The following RAB30 variants were observed in gnomAD, a reference collection of about 807,000 sequenced individuals.
RAB30 encodes the protein ras-related protein Rab-30.
In RAB30, 9 loss-of-function variants were observed where a neutral mutation model predicts 25.1. The ratio of observed to expected loss-of-function variants is 0.36; its 90% CI spans 0.22 to 0.63. The LOEUF (loss-of-function observed/expected upper bound fraction) is 0.63, where lower values mean the gene tolerates loss of function less well. Among genes scored for constraint, RAB30 ranks in the 20% least tolerant of loss-of-function variants. The probability of loss-of-function intolerance (pLI) is 0.69; values close to 1 mark genes in which losing one functional copy is unlikely to be tolerated. For missense variants in RAB30, 140 were observed against 243.5 expected (o/e 0.58, Z 2.83); for synonymous variants, 77 against 86.4 (o/e 0.89, Z 0.60).
Position 82,987,571 on chromosome 11 carries a change from G to A in RAB30, c.361+16C>T, listed in dbSNP as rs759336096. On this transcript the variant is annotated intron_variant, in intron 4 of 4. Coordinates refer to ENST00000527633, the MANE Select transcript of RAB30 (RefSeq NM_001286060.2). ...TGCCCACAAATCAATTTCCCTCCTC[G>A]TTAGCCCTTACTTACCCACTAACAC... 2.6e-5 allele frequency: 42 copies of A among 1,586,708 alleles called. No homozygotes were observed. The highest frequency in any genetic ancestry group is 3.4e-4 in the Middle Eastern group (2 of 5,960).
At chr11:83,012,910 T>A (rs1028513983) in intron 1 of RAB30, among the ~76,000 whole-genome samples, 4 of 152,074 alleles carry the variant, frequency 2.6e-5, no homozygotes, top group African/African-American at 9.7e-5. Flanking sequence ...GACAGGTTCA[T>A]CCCTTCACAC....
chr11:83,048,771 G>A (rs1462656230), intron 1 of RAB30, among the ~76,000 whole-genome samples: 1 of 152,170 alleles, frequency 6.6e-6, no homozygotes, highest in Non-Finnish European at 1.5e-5. Context: ...TCTGAGCTCT[G>A]CGACCTCTAA....
intron 1 of RAB30, among the ~76,000 whole-genome samples, chr11:83,017,812 C>T (rs915240885): frequency 4.6e-5 from 7 of 152,086 alleles, no homozygotes; most frequent in African/African-American, 1.7e-4. Context: ...CATGTTTTTA[C>T]AAGTGTGAAT....
At chr11:83,070,260 G>A (rs1414660536) in intron 1 of RAB30, among the ~76,000 whole-genome samples, 2 of 152,254 alleles carry the variant, frequency 1.3e-5, no homozygotes, top group East Asian at 3.9e-4. Context: ...TCCAAAAGCT[G>A]CTCATTGGCA....
chr11:83,069,957 C>T (rs144429907), intron 1 of RAB30, among the ~76,000 whole-genome samples: 2 of 152,284 alleles, frequency 1.3e-5, no homozygotes, highest in East Asian at 3.9e-4. Flanking sequence ...TAGTCTACAT[C>T]CACCCAGGAG....
intron 1 of RAB30, among the ~76,000 whole-genome samples, chr11:83,060,506 C>G (rs1858547569): frequency 6.6e-6 from 1 of 152,118 alleles, no homozygotes; most frequent in South Asian, 2.1e-4. Flanking sequence ...CTCATGTCAC[C>G]AGTGATGTTA....
chr11:82,994,210 G>T, intron 2 of RAB30, 88 bp from the exon 3 acceptor site: 1 of 1,135,172 alleles, frequency 8.8e-7, no homozygotes, highest in Non-Finnish European at 1.3e-6. Flanking sequence ...ACCCATCACC[G>T]GAGTCCTTCC....
chr11:83,052,034 G>A (rs889022649), intron 1 of RAB30, among the ~76,000 whole-genome samples: 1 of 152,146 alleles, frequency 6.6e-6, no homozygotes, highest in Non-Finnish European at 1.5e-5. Context: ...AAATAAACAG[G>A]AGAATGATGC....
chr11:83,039,416 T>C (rs1318563801), intron 1 of RAB30, among the ~76,000 whole-genome samples: 2 of 152,202 alleles, frequency 1.3e-5, no homozygotes, highest in Non-Finnish European at 2.9e-5. Context: ...CAGTGGCTCC[T>C]GACTATAGTC....
intron 1 of RAB30, among the ~76,000 whole-genome samples, chr11:83,033,153 T>G (rs1857912747): frequency 6.7e-6 from 1 of 149,842 alleles, no homozygotes; most frequent in Admixed American, 6.8e-5. Context: ...CAACCTCTGC[T>G]TTCCGGGTTC....
At chr11:83,026,746 G>T (rs913544581) in intron 1 of RAB30, among the ~76,000 whole-genome samples, 41 of 152,108 alleles carry the variant, frequency 2.7e-4, no homozygotes, top group Admixed American at 2.6e-3. Flanking sequence ...GTGTCACACT[G>T]AACTACTGCA....
chr11:83,001,115 G>A (rs949575194), intron 1 of RAB30, among the ~76,000 whole-genome samples: 3 of 151,166 alleles, frequency 2.0e-5, no homozygotes, highest in Admixed American at 1.3e-4. Context: ...ACCACCTGGA[G>A]CAAGCTACAG....
chr11:83,036,351 G>C (rs1857987078), intron 1 of RAB30, among the ~76,000 whole-genome samples: 1 of 152,040 alleles, frequency 6.6e-6, no homozygotes, highest in South Asian at 2.1e-4. Flanking sequence ...ATTTTTAATG[G>C]AGACAAGGTT....
intron 1 of RAB30, chr11:83,041,555 G>T: frequency 5.4e-6 from 1 of 184,298 alleles, no homozygotes; most frequent in Non-Finnish European, 1.2e-5. Context: ...TTGAACACCA[G>T]GCCCCAAAGA....
At chr11:83,068,290 C>G (rs539984919) in intron 1 of RAB30, among the ~76,000 whole-genome samples, 1 of 151,460 alleles carries the variant, frequency 6.6e-6, no homozygotes, top group South Asian at 2.1e-4. Context: ...AAGAGCAAAA[C>G]TCTGTCTCAA....
intron 1 of RAB30, among the ~76,000 whole-genome samples, chr11:83,011,556 A>C (rs1857304634): frequency 6.6e-6 from 1 of 152,256 alleles, no homozygotes; most frequent in Non-Finnish European, 1.5e-5. Context: ...ACTGTGTATT[A>C]AAGCTGGAAG....
chr11:83,069,184 A>AATACATTCAGCCCATTTCTCCTCC (rs992813425), intron 1 of RAB30, among the ~76,000 whole-genome samples: 3 of 152,242 alleles, frequency 2.0e-5, no homozygotes, highest in Admixed American at 1.3e-4. Flanking sequence ...CAAATCTAAC[A>AATACATTCAGCCCATTTCTCCTCC]CTACATTCAG....
chr11:82,981,825 G>T lies in RAB30; in HGVS notation c.*340C>A. 1 of 251,162 alleles carries T rather than the reference G, an allele frequency of 4.0e-6. No homozygotes were observed. Among genetic ancestry groups the T allele is most frequent in the Non-Finnish European group, 7.8e-6 (1 of 128,622 alleles). The allele number at this position is 251,162 out of a possible 1,614,324, so 15.6% of individuals were successfully genotyped here. A position where few individuals can be genotyped will look rare whatever the true frequency, so the allele number is the denominator to read the frequency against. The stretch of plus-strand genomic sequence containing the variant: ...TCCCACATGCACCCACTGATGTGCA[G>T]GAGGGATCCCTACAGTACATTTCCC... On this transcript the variant is annotated 3_prime_UTR_variant, in exon 5 of 5. Transcript: ENST00000527633.
At chr11:83,008,473 T>A (rs1049578796) in intron 1 of RAB30, among the ~76,000 whole-genome samples, 23 of 152,208 alleles carry the variant, frequency 1.5e-4, no homozygotes, top group Non-Finnish European at 2.4e-4. Flanking sequence ...TCTAGAGCTT[T>A]ACACACACCA....
Sources: allele counts gnomAD v4.1 joint callset (sites outside exome capture counted in the v4.1 genomes callset), GRCh38; gene constraint gnomAD v4.1.1; transcripts MANE v1.5; gene names NCBI Gene and HGNC (gene_info 2026-07-23, HGNC 2026-07-21).